BCKDHB: variants seen among roughly 807,000 people sequenced by gnomAD.
BCKDHB encodes 2-oxoisovalerate dehydrogenase subunit beta, mitochondrial.
A neutral mutation model predicts 48.5 loss-of-function variants in BCKDHB; 41 were observed. The observed-to-expected ratio is 0.85, with a 90% confidence interval of 0.66 to 1.10. The LOEUF (loss-of-function observed/expected upper bound fraction) is 1.10. Among genes scored for constraint, BCKDHB ranks in the 50% least tolerant of loss-of-function variants. The pLI is 0.00. For synonymous variants in BCKDHB, 201 were observed against 174.8 expected, an observed-to-expected ratio of 1.15 and a Z score of -1.18; for missense variants, 496 against 494.2, an observed-to-expected ratio of 1.00 and a Z score of -0.03.
At chr6:80,280,710 G>A (rs746883429) in intron 9 of BCKDHB, among the ~76,000 whole-genome samples, 1 of 152,166 alleles carries the variant, frequency 6.6e-6, no homozygotes, top group Non-Finnish European at 1.5e-5. Context: ...CCACAAAATT[G>A]CTTAATGCGT....
At chr6:80,140,180 C>T (rs989983083) in intron 3 of BCKDHB, among the ~76,000 whole-genome samples, 24 of 152,252 alleles carry the variant, frequency 1.6e-4, no homozygotes, top group South Asian at 6.2e-4. Context: ...GCTGAAGTTG[C>T]TTATCAGCTT....
At chr6:80,138,626 T>C (rs1771019224) in intron 3 of BCKDHB, among the ~76,000 whole-genome samples, 1 of 152,186 alleles carries the variant, frequency 6.6e-6, no homozygotes, top group Non-Finnish European at 1.5e-5. Context: ...CATGAACTCA[T>C]CATTTTTTAT....
chr6:80,297,993 A>G, intron 9 of BCKDHB, among the ~76,000 whole-genome samples: 1 of 151,056 alleles, frequency 6.6e-6, no homozygotes. Context: ...CCCCCAAAAT[A>G]GGGTCTGTGC....
the BCKDHB span, among the ~76,000 whole-genome samples, chr6:80,353,592 C>T: frequency 2.0e-5 from 3 of 152,046 alleles, no homozygotes; most frequent in African/African-American, 4.8e-5. Context: ...CAGTGGCTCA[C>T]GCCTGTAATC....
chr6:80,262,380 A>G (rs556624199), intron 8 of BCKDHB, among the ~76,000 whole-genome samples: 2 of 152,260 alleles, frequency 1.3e-5, no homozygotes, highest in East Asian at 3.9e-4. Flanking sequence ...ACACACGCAC[A>G]CACATATGAC....
At chr6:80,241,619 T>C (rs1436374144) in intron 8 of BCKDHB, among the ~76,000 whole-genome samples, 1 of 152,222 alleles carries the variant, frequency 6.6e-6, no homozygotes, top group Non-Finnish European at 1.5e-5. Flanking sequence ...ACAGCAATTT[T>C]TTATACATAT....
intron 6 of BCKDHB, among the ~76,000 whole-genome samples, chr6:80,190,425 A>G (rs1291912151): frequency 2.6e-5 from 4 of 152,134 alleles, no homozygotes; most frequent in Non-Finnish European, 5.9e-5. Flanking sequence ...TATCTACTAT[A>G]ACAGTGGTTA....
chr6:80,372,557 T>A, the BCKDHB span, among the ~76,000 whole-genome samples: 2 of 152,106 alleles, frequency 1.3e-5, no homozygotes, highest in East Asian at 3.9e-4. Flanking sequence ...TCAACTTTTC[T>A]CTTTTCTGTA....
chr6:80,401,675 G>T, the BCKDHB span, among the ~76,000 whole-genome samples: 2 of 151,822 alleles, frequency 1.3e-5, no homozygotes, highest in South Asian at 4.1e-4. Flanking sequence ...TTATATTAGA[G>T]CTACAGAATT....
chr6:80,329,292 A>G (rs893639478), intron 9 of BCKDHB, among the ~76,000 whole-genome samples: 5 of 152,176 alleles, frequency 3.3e-5, no homozygotes, highest in African/African-American at 1.2e-4. Flanking sequence ...AATTACAAAA[A>G]CATAGGATCT....
At chr6:80,312,555 T>C (rs1248135872) in intron 9 of BCKDHB, among the ~76,000 whole-genome samples, 1 of 152,204 alleles carries the variant, frequency 6.6e-6, no homozygotes, top group Non-Finnish European at 1.5e-5. Flanking sequence ...TGATATTGGC[T>C]GTGGGTCTGT....
the BCKDHB span, among the ~76,000 whole-genome samples, chr6:80,361,307 C>T: frequency 4.6e-5 from 7 of 152,222 alleles, no homozygotes; most frequent in South Asian, 1.5e-3. Context: ...ATAATTGGCC[C>T]AGCTTGGGTC....
intron 8 of BCKDHB, among the ~76,000 whole-genome samples, chr6:80,231,953 AGAGTCTGTCTG>A: frequency 6.6e-6 from 1 of 152,338 alleles, no homozygotes; most frequent in African/African-American, 2.4e-5. Flanking sequence ...TCACAGGGCG[AGAGTCTGTCTG>A]GAAATCACTG....
At chr6:80,375,616 A>T in the BCKDHB span, among the ~76,000 whole-genome samples, 1 of 151,232 alleles carries the variant, frequency 6.6e-6, no homozygotes, top group Non-Finnish European at 1.5e-5. Flanking sequence ...CTCCTTGATT[A>T]GCTTAACAGT....
At chr6:80,301,091 G>T (rs977277877) in intron 9 of BCKDHB, among the ~76,000 whole-genome samples, 1 of 151,354 alleles carries the variant, frequency 6.6e-6, no homozygotes, top group Non-Finnish European at 1.5e-5. Context: ...AAGTTAGAAA[G>T]GTTTCGAATT....
the BCKDHB span, among the ~76,000 whole-genome samples, chr6:80,384,977 A>G: frequency 6.6e-6 from 1 of 152,306 alleles, no homozygotes; most frequent in South Asian, 2.1e-4. Context: ...CCTTGCTGTG[A>G]ACAAGGAACT....
chr6:80,388,919 G>A, the BCKDHB span, among the ~76,000 whole-genome samples: 1 of 152,196 alleles, frequency 6.6e-6, no homozygotes, highest in Non-Finnish European at 1.5e-5. Context: ...ACTTTGCATG[G>A]AAGGAGAAAT....
chr6:80,123,581 T>G (rs1260507932), intron 1 of BCKDHB, among the ~76,000 whole-genome samples: 2 of 152,282 alleles, frequency 1.3e-5, no homozygotes, highest in South Asian at 4.1e-4. Flanking sequence ...CCTGTTATTG[T>G]TCTATTCAGA....
intron 1 of BCKDHB, among the ~76,000 whole-genome samples, chr6:80,120,155 T>A (rs938382635): frequency 9.9e-5 from 15 of 152,192 alleles, no homozygotes; most frequent in Admixed American, 5.2e-4. Flanking sequence ...AATGATGGTT[T>A]CCAGCTTCAT....
Sources: gnomAD v4.1 joint callset for allele counts (sites outside exome capture counted in the v4.1 genomes callset) on GRCh38, gnomAD v4.1.1 for gene constraint, MANE v1.5 for transcripts, NCBI Gene and HGNC (gene_info 2026-07-23, HGNC 2026-07-21) for gene names.